Variants in FLRT2 observed in about 807,000 individuals in gnomAD.
FLRT2 encodes leucine-rich repeat transmembrane protein FLRT2.
In FLRT2, 15 loss-of-function variants were observed where a neutral mutation model predicts 40.0. The observed-to-expected ratio is 0.38, with a 90% CI of 0.25 to 0.58. The LOEUF (loss-of-function observed/expected upper bound fraction) is 0.58. Among genes scored for constraint, FLRT2 ranks in the 20% least tolerant of loss-of-function variants. FLRT2 has a pLI of 0.71. For synonymous variants in FLRT2, 380 were observed against 336.8 expected (o/e 1.13, Z -1.41); for missense variants, 726 against 840.0 (o/e 0.86, Z 1.68).
chr14:85,614,279 A>T (rs1337402490), intron 1 of FLRT2, among the ~76,000 whole-genome samples: 1 of 152,144 alleles, frequency 6.6e-6, no homozygotes, highest in African/African-American at 2.4e-5. Flanking sequence ...AAACCAGTTT[A>T]TTGAGTGCCT....
rs1416653576 is a variant in FLRT2 at position 85,634,710 on chromosome 14, C to T, written c.*11213C>T. 6.6e-6 allele frequency: 1 copy of T among 152,156 alleles called. No individual in the cohort carries two copies. The highest frequency in any genetic ancestry group is 2.4e-5 in the African/African-American group (1 of 41,444). The allele number at this position is 152,156 out of a possible 1,614,324, so 9.4% of individuals were successfully genotyped here. On this transcript the variant is annotated 3_prime_UTR_variant, in exon 2 of 2. Coordinates refer to ENST00000330753, the MANE Select transcript of FLRT2 (RefSeq NM_013231.6). ...CATGGGTTAATAACAACACTCACCT[C>T]AACAGTAACCATACTGCACAGTGCC... is the stretch of plus-strand genomic sequence containing the variant.
chr14:85,614,515 G>A (rs1023094777), intron 1 of FLRT2, among the ~76,000 whole-genome samples: 3 of 152,164 alleles, frequency 2.0e-5, no homozygotes, highest in African/African-American at 2.4e-5. Context: ...GATCAGACCC[G>A]GAAGAGAGAA....
chr14:85,612,620 T>A (rs1224814453), intron 1 of FLRT2, among the ~76,000 whole-genome samples: 1 of 152,206 alleles, frequency 6.6e-6, no homozygotes. Flanking sequence ...TTTTCTTCTG[T>A]TTCTTATCCC....
In FLRT2 at chr14:85,632,657, T is replaced by C. The variant is rs1363157208; in HGVS notation, c.*9160T>C. 3.3e-5 allele frequency: 5 copies of C among 152,116 alleles called. No individual in the cohort carries two copies. The highest frequency in any genetic ancestry group is 2.0e-4 in the Admixed American group (3 of 15,270). The allele number at this position is 152,116 out of a possible 1,614,324, so 9.4% of individuals were successfully genotyped here. On this transcript the variant is annotated 3_prime_UTR_variant, in exon 2 of 2. Coordinates refer to ENST00000330753, the MANE Select transcript of FLRT2 (RefSeq NM_013231.6). ...TAAAAAAGACAGTCATTATTCACTA[T>C]GTCATATCCCATATAAAAATACAGC...
At chr14:85,618,120 A>G (rs986175243) in intron 1 of FLRT2, among the ~76,000 whole-genome samples, 3 of 152,224 alleles carry the variant, frequency 2.0e-5, no homozygotes, top group African/African-American at 7.2e-5. Flanking sequence ...TTCTAGGCCC[A>G]TCCCTGAGTA....
In FLRT2 at chr14:85,644,347, G is replaced by A. The variant is rs1894239791; in HGVS notation, c.*20850G>A. 1 of 152,100 alleles carries A rather than the reference G, an allele frequency of 6.6e-6. No individual in the cohort carries two copies. The highest frequency in any genetic ancestry group is 1.5e-5 in the Non-Finnish European group (1 of 68,018). The allele number at this position is 152,100 out of a possible 1,614,324, so 9.4% of individuals were successfully genotyped here. A position where few individuals can be genotyped will look rare whatever the true frequency, so the allele number is the denominator to read the frequency against. On this transcript the variant is annotated 3_prime_UTR_variant, in exon 2 of 2. Coordinates refer to ENST00000330753, the MANE Select transcript of FLRT2 (RefSeq NM_013231.6). Reference sequence around the variant, plus strand: ...ATCTCAATAGGCAAAGAACACTAAAGTAGTCTGCTTTCACTTTCATTAACA... The same window carrying A: ...ATCTCAATAGGCAAAGAACACTAAAATAGTCTGCTTTCACTTTCATTAACA...
intron 1 of FLRT2, among the ~76,000 whole-genome samples, chr14:85,573,027 A>C (rs1473478628): frequency 1.3e-5 from 2 of 152,194 alleles, no homozygotes; most frequent in East Asian, 3.9e-4. Flanking sequence ...CTGATTAGTC[A>C]CAGTTTTGTG....
At position 85,640,620 on chromosome 14, in the gene FLRT2, AT is replaced by A. The variant is rs1347709326; in HGVS notation, c.*17129del. ...ATGATTGAACTACTTGCTGCCATAA[AT>A]TTTTTACTATTGAATAAATATGCTT... On this transcript the variant is annotated 3_prime_UTR_variant, in exon 2 of 2. Transcript: ENST00000330753. 6.6e-6 allele frequency: 1 copy of A among 152,122 alleles called. No individual in the cohort carries two copies. The highest frequency in any genetic ancestry group is 1.5e-5 in the Non-Finnish European group (1 of 68,026). The allele number at this position is 152,122 out of a possible 1,614,324, so 9.4% of individuals were successfully genotyped here.
intron 1 of FLRT2, among the ~76,000 whole-genome samples, chr14:85,592,789 C>CAAAAAAAAA (rs34002874): frequency 3.3e-5 from 3 of 90,670 alleles, no homozygotes; most frequent in African/African-American, 4.6e-5. Context: ...AACTCCGTCT[C>CAAAAAAAAA]AAAAAAAAAA....
chr14:85,590,671 C>T (rs1285231583), intron 1 of FLRT2, among the ~76,000 whole-genome samples: 2 of 152,078 alleles, frequency 1.3e-5, no homozygotes, highest in Non-Finnish European at 2.9e-5. Context: ...GCGGTCTCGG[C>T]TCACTGCAAC....
chr14:85,565,247 G>T (rs992931678), intron 1 of FLRT2, among the ~76,000 whole-genome samples: 6 of 151,764 alleles, frequency 4.0e-5, no homozygotes, highest in Non-Finnish European at 8.8e-5. Context: ...GTCATATATT[G>T]TTTTTGCATA....
At chr14:85,612,511 C>T (rs933763548) in intron 1 of FLRT2, among the ~76,000 whole-genome samples, 8 of 152,054 alleles carry the variant, frequency 5.3e-5, no homozygotes, top group Non-Finnish European at 1.5e-5. Flanking sequence ...TAGAATGACT[C>T]GATTTGATCT....
chr14:85,578,802 A>G (rs546968098), intron 1 of FLRT2, among the ~76,000 whole-genome samples: 323 of 152,302 alleles, frequency 2.1e-3, no homozygotes, highest in Non-Finnish European at 3.5e-3. Context: ...GCTCTACTGG[A>G]TGGTGAAATA....
Position 85,633,721 on chromosome 14 carries a change from GC to G in FLRT2, c.*10227del, listed in dbSNP as rs1351929629. 6.6e-6 allele frequency: 1 copy of G among 150,918 alleles called. No homozygotes were observed. The highest frequency in any genetic ancestry group is 1.5e-5 in the Non-Finnish European group (1 of 67,918). The allele number at this position is 150,918 out of a possible 1,614,324, so 9.3% of individuals were successfully genotyped here. The stretch of plus-strand genomic sequence containing the variant: ...AGGTTGAAGCAGGAGGGTCACTTGA[GC>G]CCAGGAGATCAAGATTACATTGAGC... On this transcript the variant is annotated 3_prime_UTR_variant, in exon 2 of 2. Transcript: ENST00000330753.
intron 1 of FLRT2, chr14:85,531,347 C>G (rs1473175999): frequency 2.6e-5 from 4 of 152,486 alleles, no homozygotes; most frequent in African/African-American, 9.6e-5. Context: ...GTTACCAAGT[C>G]TCTCCACAGG....
At position 85,566,554 on chromosome 14, in the gene FLRT2, T is replaced by TGTGTGTGTGTGTGC. The variant is rs1275434001; in HGVS notation, c.-377+36033_-377+36034insCGTGTGTGTGTGTG. Among the ~76,000 whole-genome samples, 54 of 137,236 alleles carry TGTGTGTGTGTGTGC rather than the reference T, an allele frequency of 3.9e-4. 3 individuals carry two copies. Among genetic ancestry groups the TGTGTGTGTGTGTGC allele is most frequent in the African/African-American group, 6.4e-4 (25 of 39,256 alleles). The allele number at this position is 137,236 out of a possible 152,430, so 90.0% of individuals were successfully genotyped here. ...AGTCCTCTTAACTTCCATGGTTGTG[T>TGTGTGTGTGTGTGC]GTGTGTGTGTGTGTGTGTGTGTGCA... On this transcript the variant is annotated intron_variant, in intron 1 of 1. Coordinates refer to ENST00000330753, the MANE Select transcript of FLRT2 (RefSeq NM_013231.6).
chr14:85,596,008 G>A (rs1892123408), intron 1 of FLRT2, among the ~76,000 whole-genome samples: 2 of 152,160 alleles, frequency 1.3e-5, no homozygotes, highest in Non-Finnish European at 2.9e-5. Context: ...TTCTGCAATT[G>A]GGATTGGACT....
chr14:85,568,823 C>T (rs1044395674), intron 1 of FLRT2, among the ~76,000 whole-genome samples: 23 of 152,144 alleles, frequency 1.5e-4, no homozygotes, highest in African/African-American at 5.6e-4. Flanking sequence ...CTGGAGATGC[C>T]ATTACGGACT....
rs1893972161 is a variant in FLRT2, at chr14:85,635,169, C to G, written c.*11672C>G. The G allele has an allele frequency of 6.6e-6, 1 of 152,122 alleles. No individual in the cohort carries two copies. The highest frequency in any genetic ancestry group is 1.5e-5 in the Non-Finnish European group (1 of 68,002). 9.4% of individuals were successfully genotyped at this position (152,122 alleles called of 1,614,324 possible). ...CCATTAAAATCAGGAGCTACAGAATCACAAAGAACTGTGACTTTGTATCTG... is the reference window on the plus strand; with the variant it reads ...CCATTAAAATCAGGAGCTACAGAATGACAAAGAACTGTGACTTTGTATCTG... On this transcript the variant is annotated 3_prime_UTR_variant, in exon 2 of 2. Transcript: ENST00000330753.
Sources: gnomAD v4.1 joint callset for allele counts (sites outside exome capture counted in the v4.1 genomes callset) on GRCh38, gnomAD v4.1.1 for gene constraint, MANE v1.5 for transcripts, NCBI Gene and HGNC (gene_info 2026-07-23, HGNC 2026-07-21) for gene names.